The following INTS5 variants were observed in gnomAD, a reference collection of about 807,000 sequenced individuals.
INTS5 encodes the protein KIAA1698.
Under a neutral mutation model 60.0 loss-of-function variants are expected in INTS5, and 29 were observed. That is an observed-to-expected ratio of 0.48 (90% CI 0.36 to 0.66). The LOEUF (loss-of-function observed/expected upper bound fraction) is 0.66, where lower values mean the gene tolerates loss of function less well. Among genes scored for constraint, INTS5 ranks in the 30% least tolerant of loss-of-function variants. The pLI, the probability that INTS5 is intolerant of heterozygous loss-of-function variation, is 0.00. For synonymous variants in INTS5, 588 were observed against 558.8 expected (o/e 1.05, Z -0.74); for missense variants, 1,129 against 1,307.9 (o/e 0.86, Z 2.11).
rs770724275 is a variant in INTS5, at chr11:62,649,063, C to T, written c.1017G>A (p.Pro339=). ...ACATGACTGCCAGCTGCAGTAGGAA[C>T]GGAACCGTGGCCTGAAGGGAGGGGT... is the stretch of plus-strand genomic sequence containing the variant. ...SGDPSLQATV[P]FLLQLAVMSP... Residue 339 remains proline (P), a synonymous_variant, in exon 2 of 2, where the codon CCG becomes CCA. Coordinates refer to ENST00000330574, the MANE Select transcript of INTS5 (RefSeq NM_030628.2). The surrounding 1 kb of genome is among the most constrained non-coding windows in gnomAD (Gnocchi z 6.0). The T allele has an allele frequency of 6.8e-5, 110 of 1,611,288 alleles. No individual in the cohort carries two copies. The highest frequency in any genetic ancestry group is 8.4e-5 in the Non-Finnish European group (99 of 1,178,248).
Position 62,647,803 on chromosome 11 carries a change from C to A in INTS5, c.2277G>T (p.Lys759Asn). 6 of 1,614,226 alleles carry A rather than the reference C, an allele frequency of 3.7e-6. No individual in the cohort carries two copies. Among genetic ancestry groups the A allele is most frequent in the Non-Finnish European group, 5.1e-6 (6 of 1,180,044 alleles). ...FHAGVIGRGLKPPKFVQSRNQ... is the reference protein window; with the variant it reads ...FHAGVIGRGLNPPKFVQSRNQ... ...TTCGTGACTGGACAAACTTGGGTGG[C>A]TTTAAGCCACGGCCGATGACTCCAG... Residue 759 changes from lysine (K) to asparagine (N), a missense_variant, in exon 2 of 2, where the codon AAG (lysine) becomes AAT (asparagine). Lys to Asn is a moderately conservative substitution (Grantham distance 94, BLOSUM62 0). This residue lies in a region of INTS5 where 1,070 missense variants were observed against 1,246.1 expected (regional missense o/e 0.86). Coordinates refer to ENST00000330574, the MANE Select transcript of INTS5 (RefSeq NM_030628.2).
At position 62,648,155 on chromosome 11, in the gene INTS5, G is replaced by A. The variant is rs772546273; in HGVS notation, c.1925C>T (p.Ser642Phe). The A allele has an allele frequency of 3.7e-6, 6 of 1,613,472 alleles. No homozygotes were observed. Among genetic ancestry groups the A allele is most frequent in the Non-Finnish European group, 5.1e-6 (6 of 1,179,524 alleles). Residue 642 changes from serine (S) to phenylalanine (F), a missense_variant, in exon 2 of 2, where the codon TCC becomes TTC. Ser to Phe is a radical substitution (Grantham distance 155, BLOSUM62 -2). Coordinates refer to ENST00000330574, the MANE Select transcript of INTS5 (RefSeq NM_030628.2). This position sits in a 1 kb window ranked among gnomAD's most constrained non-coding sequence, Gnocchi z 4.4. ...AGCCCTTACCAGTCCCAGGAGCTGG[G>A]AGGGGGATAAGGCTTCAGAAGGAAA... ...CPFPSEALSP[S>F]QLLGLVRAGV...
chr11:62,647,416 A>G lies in INTS5; in HGVS notation c.2664T>C (p.His888=), dbSNP rs201899629. ...LRGLLAALLG[H]WEASRHPDTT... ...TGTCAGGGTGGCGAGAGGCTTCCCAATGGCCCAAGAGGGCGGCCAGCAGCC... is the reference window on the plus strand; with the variant it reads ...TGTCAGGGTGGCGAGAGGCTTCCCAGTGGCCCAAGAGGGCGGCCAGCAGCC... The change falls in exon 2 of 2, where the codon CAT becomes CAC. Residue 888 remains histidine (H), a synonymous_variant. Coordinates refer to ENST00000330574, the MANE Select transcript of INTS5 (RefSeq NM_030628.2). The G allele has an allele frequency of 4.1e-4, 663 of 1,611,376 alleles. 9 individuals are homozygous for G. In the Admixed American group the frequency reaches 7.4e-3, roughly 18 times the overall value.
chr11:62,648,181 G>C lies in INTS5; in HGVS notation c.1899C>G (p.Pro633=). 1 of 1,613,462 alleles carries C rather than the reference G, an allele frequency of 6.2e-7. No individual in the cohort carries two copies. The highest frequency in any genetic ancestry group is 1.1e-5 in the South Asian group (1 of 91,066). Residue 633 remains proline, a synonymous_variant, in exon 2 of 2, where the codon CCC becomes CCG. Transcript: ENST00000330574. The surrounding 1 kb of genome is among the most constrained non-coding windows in gnomAD (Gnocchi z 4.4). ...AGGGGGATAAGGCTTCAGAAGGAAA[G>C]GGACAAATGGCCAGGAGAGAGGCAG... ...EAAASLLAIC[P]FPSEALSPSQ...
In INTS5 at chr11:62,646,965, A is replaced by T; in HGVS notation, c.*55T>A. The T allele has an allele frequency of 7.2e-7, 1 of 1,397,702 alleles. No individual in the cohort carries two copies. The highest frequency in any genetic ancestry group is 9.9e-7 in the Non-Finnish European group (1 of 1,005,434). 86.6% of individuals were successfully genotyped at this position (1,397,702 alleles called of 1,614,324 possible). ...AACCTCCACCCTTCCGGAGCACGTTAGTCCCTTCCCTCTCTCACTGCTCAA... is the reference window on the plus strand; with the variant it reads ...AACCTCCACCCTTCCGGAGCACGTTTGTCCCTTCCCTCTCTCACTGCTCAA... On this transcript the variant is annotated 3_prime_UTR_variant, in exon 2 of 2. Transcript: ENST00000330574.
chr11:62,652,795 C>T (rs1204220323), intron 1 of INTS5, among the ~76,000 whole-genome samples: 1 of 152,140 alleles, frequency 6.6e-6, no homozygotes, highest in Non-Finnish European at 1.5e-5. Flanking sequence ...ATATCTCAGC[C>T]GGACTGCATT....
rs758660679 is a variant in INTS5, at chr11:62,649,315, C to T, written c.765G>A (p.Gly255=). Residue 255 remains glycine, a synonymous_variant, in exon 2 of 2, where the codon GGG becomes GGA. Coordinates refer to ENST00000330574, the MANE Select transcript of INTS5 (RefSeq NM_030628.2). The surrounding 1 kb of genome is among the most constrained non-coding windows in gnomAD (Gnocchi z 6.0). The stretch of plus-strand genomic sequence containing the variant: ...CACTACTGCCAGCTCCACCTCCAGC[C>T]CCACCATGGACACAAAAGTCCTTAA... ...CGLKDFCVHG[G]AGGGAGSSGG... is the part of the protein sequence containing the mutation. The T allele has an allele frequency of 6.8e-5, 109 of 1,613,990 alleles. No individual in the cohort carries two copies. The East Asian group carries it at 2.3e-3, about 34-fold the overall frequency.
intron 1 of INTS5, among the ~76,000 whole-genome samples, chr11:62,650,926 T>C (rs1355167962): frequency 6.6e-6 from 1 of 152,038 alleles, no homozygotes; most frequent in African/African-American, 2.4e-5. Context: ...ACAGGCTGGT[T>C]TCATGGCCTC....
Position 62,649,863 on chromosome 11 carries a change from C to T in INTS5, c.217G>A (p.Val73Met). The T allele has an allele frequency of 6.2e-7, 1 of 1,614,188 alleles. No individual in the cohort carries two copies. The highest frequency in any genetic ancestry group is 8.5e-7 in the Non-Finnish European group (1 of 1,180,030). The part of the protein sequence containing the change: ...LRSLPPARAA[V>M]LDHLRGVFDE... ...AAGACACCTCTCAAGTGGTCAAGCA[C>T]AGCAGCCCGAGCAGGTGGCAAAGAA... The change falls in exon 2 of 2, where the codon GTG becomes ATG. Residue 73 changes from valine (V) to methionine (M), a missense_variant. Physicochemically the swap from Val to Met is conservative, Grantham distance 21. Coordinates refer to ENST00000330574, the MANE Select transcript of INTS5 (RefSeq NM_030628.2). The surrounding 1 kb of genome is among the most constrained non-coding windows in gnomAD (Gnocchi z 6.0).
intron 1 of INTS5, among the ~76,000 whole-genome samples, chr11:62,650,286 T>C (rs1358837514): frequency 2.0e-4 from 30 of 151,294 alleles, no homozygotes; most frequent in Admixed American, 1.9e-3. Flanking sequence ...CTAGCTAATT[T>C]TTTGTATTTT....
intron 1 of INTS5, among the ~76,000 whole-genome samples, chr11:62,651,281 T>A (rs537326994): frequency 3.3e-4 from 50 of 149,394 alleles, no homozygotes; most frequent in African/African-American, 7.6e-4. Flanking sequence ...CGGCTAATAT[T>A]TTTTTTTTTA....
intron 1 of INTS5, among the ~76,000 whole-genome samples, chr11:62,651,014 T>C (rs1944588415): frequency 1.3e-5 from 2 of 152,070 alleles, no homozygotes; most frequent in Non-Finnish European, 2.9e-5. Context: ...AGAATGTTTA[T>C]AAAGCACTTA....
In INTS5 at chr11:62,647,561, G is replaced by A. The variant is rs1944537548; in HGVS notation, c.2519C>T (p.Thr840Ile). The A allele has an allele frequency of 6.2e-7, 1 of 1,613,836 alleles. No individual in the cohort carries two copies. The highest frequency in any genetic ancestry group is 1.3e-5 in the African/African-American group (1 of 75,082). ...GCCAATGCGGAGATCCCGCTCCACG[G>A]TGGCCCGGGCGTGTTCCTCGGGGGG... ...AWPPEEHARA[T>I]VERDLRIGRR... Residue 840 changes from threonine to isoleucine, a missense_variant, in exon 2 of 2, where the codon ACC becomes ATC. Thr to Ile is a moderately conservative substitution (Grantham distance 89). Transcript: ENST00000330574.
At position 62,647,111 on chromosome 11, in the gene INTS5, C is replaced by T; in HGVS notation, c.2969G>A (p.Ser990Asn). The change falls in exon 2 of 2, where the codon AGT becomes AAT. Residue 990 changes from serine to asparagine, a missense_variant. Ser to Asn is a conservative substitution (Grantham distance 46). Transcript: ENST00000330574. ...EGGPHLAVLH[S>N]VLHRNIDRLG... ...GCGGTCGATGTTGCGGTGGAGGACA[C>T]TGTGCAGCACAGCCAGATGGGGTCC... 1 of 1,614,158 alleles carries T rather than the reference C, an allele frequency of 6.2e-7. No homozygotes were observed. The highest frequency in any genetic ancestry group is 8.5e-7 in the Non-Finnish European group (1 of 1,180,026).
At position 62,649,504 on chromosome 11, in the gene INTS5, G is replaced by A; in HGVS notation, c.576C>T (p.Ile192=). The A allele has an allele frequency of 6.2e-7, 1 of 1,614,208 alleles. No homozygotes were observed. The highest frequency in any genetic ancestry group is 1.1e-5 in the South Asian group (1 of 91,084). Residue 192 remains isoleucine (I), a synonymous_variant, in exon 2 of 2, where the codon ATC becomes ATT. Coordinates refer to ENST00000330574, the MANE Select transcript of INTS5 (RefSeq NM_030628.2). The surrounding 1 kb of genome is among the most constrained non-coding windows in gnomAD (Gnocchi z 6.0). Reference sequence around the variant, plus strand: ...TGAGAGCCGAGAGGCACTGCACATAGATGTCCATTAATGTACGCGTGGCCC... The same window carrying A: ...TGAGAGCCGAGAGGCACTGCACATAAATGTCCATTAATGTACGCGTGGCCC... ...GCRATRTLMD[I]YVQCLSALIG... is the part of the protein sequence containing the mutation.
chr11:62,649,148 C>A lies in INTS5; in HGVS notation c.932G>T (p.Arg311Leu). Residue 311 changes from arginine (R) to leucine (L), a missense_variant, in exon 2 of 2, where the codon CGG (arginine) becomes CTG (leucine). Physicochemically the swap from Arg to Leu is moderately radical, Grantham distance 102 (BLOSUM62 -2). This residue lies in a region of INTS5 where 1,070 missense variants were observed against 1,246.1 expected (regional missense o/e 0.86). Transcript: ENST00000330574. The surrounding 1 kb of genome is among the most constrained non-coding windows in gnomAD (Gnocchi z 6.0). ...LASRHGDSIR[R>L]ELLRMFHDSL... ...ATCATGGAACATTCGCAGGAGCTCC[C>A]GTCGGATGCTATCTCCGTGGCGGGA... The A allele has an allele frequency of 1.2e-6, 2 of 1,613,474 alleles. No individual in the cohort carries two copies. Among genetic ancestry groups the A allele is most frequent in the Non-Finnish European group, 1.7e-6 (2 of 1,179,442 alleles).
chr11:62,648,799 C>T lies in INTS5; in HGVS notation c.1281G>A (p.Val427=). 1 of 1,614,178 alleles carries T rather than the reference C, an allele frequency of 6.2e-7. No individual in the cohort carries two copies. Among genetic ancestry groups the T allele is most frequent in the Non-Finnish European group, 8.5e-7 (1 of 1,180,044 alleles). Residue 427 remains valine (V), a synonymous_variant, in exon 2 of 2, where the codon GTG becomes GTA. Transcript: ENST00000330574. The surrounding 1 kb of genome is among the most constrained non-coding windows in gnomAD (Gnocchi z 4.4). ...CACAAGCCTCACGCACGGTGTCTGG[C>T]ACAGCCAGGCCCTGGGTGGTAATGA... ...ASVITTQGLA[V]PDTVREACDR...
rs890063498 is a variant in INTS5 at position 62,653,285 on chromosome 11, G to C, written c.-36C>G. On this transcript the variant is annotated 5_prime_UTR_variant, in exon 1 of 2. Coordinates refer to ENST00000330574, the MANE Select transcript of INTS5 (RefSeq NM_030628.2). Reference sequence around the variant, plus strand: ...GAGCCGAGCCCGAGGCGCGAGCGGCGGAGCGCAGGCGGCGCATGCGCGCTG... The same window carrying C: ...GAGCCGAGCCCGAGGCGCGAGCGGCCGAGCGCAGGCGGCGCATGCGCGCTG... 1 of 1,233,712 alleles carries C rather than the reference G, an allele frequency of 8.1e-7. No individual in the cohort carries two copies. The highest frequency in any genetic ancestry group is 1.0e-6 in the Non-Finnish European group (1 of 980,196). The allele number at this position is 1,233,712 out of a possible 1,614,324, so 76.4% of individuals were successfully genotyped here.
chr11:62,647,629 C>T lies in INTS5; in HGVS notation c.2451G>A (p.Val817=). Residue 817 remains valine, a synonymous_variant, in exon 2 of 2, where the codon GTG becomes GTA. Coordinates refer to ENST00000330574, the MANE Select transcript of INTS5 (RefSeq NM_030628.2). The part of the protein sequence containing the change: ...EAAKAVAVTL[V]ESVCPDAAGA... The stretch of plus-strand genomic sequence containing the variant: ...CAGCTGCATCGGGACACACACTCTC[C>T]ACCAAGGTCACTGCCACTGCTTTGG... 6.2e-7 allele frequency: 1 copy of T among 1,614,062 alleles called. No homozygotes were observed. The highest frequency in any genetic ancestry group is 8.5e-7 in the Non-Finnish European group (1 of 1,180,034).
Sources: gnomAD v4.1 joint callset for allele counts (sites outside exome capture counted in the v4.1 genomes callset) on GRCh38, gnomAD v4.1.1 for gene constraint, gnomAD v4.1.1 regional missense constraint, Gnocchi (gnomAD v3.1) non-coding constraint, MANE v1.5 for transcripts, NCBI Gene and HGNC (gene_info 2026-07-23, HGNC 2026-07-21) for gene names.